Variants in AFG3L2 observed in about 807,000 individuals in gnomAD.
AFG3L2 encodes the protein AFG3 like matrix AAA peptidase subunit 2.
Under a neutral mutation model 94.5 loss-of-function variants are expected in AFG3L2, and 54 were observed. The ratio of observed to expected loss-of-function variants is 0.57; its 90% CI spans 0.46 to 0.72. The LOEUF is 0.72. AFG3L2 is among the 30% of genes least tolerant of loss of function. The pLI, the probability that AFG3L2 is intolerant of heterozygous loss-of-function variation, is 0.00. For synonymous variants in AFG3L2, 377 were observed against 365.5 expected, an observed-to-expected ratio of 1.03 and a Z score of -0.36; for missense variants, 754 against 994.9, an observed-to-expected ratio of 0.76 and a Z score of 3.26.
At chr18:12,370,476 T>C (rs1437322628) in intron 3 of AFG3L2, among the ~76,000 whole-genome samples, 1 of 112,924 alleles carries the variant, frequency 8.9e-6, no homozygotes, top group East Asian at 2.9e-4. Flanking sequence ...TTTTTTTTTT[T>C]TTTCTTTTTT....
intron 6 of AFG3L2, among the ~76,000 whole-genome samples, chr18:12,361,310 G>A (rs950254330): frequency 6.6e-6 from 1 of 152,078 alleles, no homozygotes; most frequent in African/African-American, 2.4e-5. Flanking sequence ...CCAAGATTGT[G>A]CCACTGCATT....
chr18:12,355,730 G>A (rs528462724), intron 9 of AFG3L2, among the ~76,000 whole-genome samples: 2 of 151,274 alleles, frequency 1.3e-5, no homozygotes, highest in South Asian at 2.1e-4. Context: ...GTGCAGTGGC[G>A]TGATCTCAGC....
At chr18:12,330,067 G>C (rs1204346253) in intron 16 of AFG3L2, among the ~76,000 whole-genome samples, 1 of 152,248 alleles carries the variant, frequency 6.6e-6, no homozygotes. Context: ...GGGCGCGGTA[G>C]CTCGCGCCTG....
chr18:12,344,330 G>T, intron 13 of AFG3L2, 83 bp from the exon 14 acceptor site: 1 of 1,160,976 alleles, frequency 8.6e-7, no homozygotes, highest in Non-Finnish European at 1.3e-6. Context: ...GCTATACATT[G>T]CCTTACCTAA....
intron 3 of AFG3L2, among the ~76,000 whole-genome samples, chr18:12,368,789 T>G (rs1174609314): frequency 6.6e-6 from 1 of 152,072 alleles, no homozygotes; most frequent in South Asian, 2.1e-4. Context: ...TTAGTAGAGA[T>G]AGGGTTTCAT....
intron 6 of AFG3L2, among the ~76,000 whole-genome samples, chr18:12,360,411 T>G (rs1908624302): frequency 6.6e-6 from 1 of 152,212 alleles, no homozygotes; most frequent in Non-Finnish European, 1.5e-5. Context: ...ATTCCCAAAT[T>G]TAAAACTACT....
rs796113400 is a variant in AFG3L2 at position 12,345,053 on chromosome 18, A to G, written c.1664-806T>C. ...TGTCTGTTCTGCTGGAAGGCAGAAG[A>G]GAGTCTGAGAAAGCAGGCAGCCAGT... On this transcript the variant is annotated intron_variant, in intron 13 of 16. Coordinates refer to ENST00000269143, the MANE Select transcript of AFG3L2 (RefSeq NM_006796.3). Among the ~76,000 whole-genome samples the G allele has an allele frequency of 3.1e-4, 47 of 152,334 alleles. 1 individual carries two copies. The highest frequency in any genetic ancestry group is 1.1e-3 in the African/African-American group (44 of 41,574).
chr18:12,331,857 AT>A (rs1425724126), intron 16 of AFG3L2, among the ~76,000 whole-genome samples: 25 of 68,456 alleles, frequency 3.7e-4, no homozygotes, highest in African/African-American at 1.1e-3. Flanking sequence ...ATATATATAT[AT>A]ATAAAACAAG....
At position 12,366,989 on chromosome 18, in the gene AFG3L2, G is replaced by T. The variant is rs1908825551; in HGVS notation, c.528C>A (p.Val176=). The change falls in exon 5 of 17, where the codon GTC becomes GTA. Residue 176 remains valine (V), a synonymous_variant. Coordinates refer to ENST00000269143, the MANE Select transcript of AFG3L2 (RefSeq NM_006796.3). ...SGREITWKDF[V]NNYLSKGVVD... Reference sequence around the variant, plus strand: ...CTACTCCTTTTGAAAGATAGTTATTGACAAAGTCCTTCCAAGTGATTTCTC... The same window carrying T: ...CTACTCCTTTTGAAAGATAGTTATTTACAAAGTCCTTCCAAGTGATTTCTC... 6.2e-7 allele frequency: 1 copy of T among 1,614,058 alleles called. No individual in the cohort carries two copies. The highest frequency in any genetic ancestry group is 1.3e-5 in the African/African-American group (1 of 74,916).
chr18:12,361,938 T>C (rs896025511), intron 6 of AFG3L2, among the ~76,000 whole-genome samples: 7 of 152,186 alleles, frequency 4.6e-5, no homozygotes, highest in Non-Finnish European at 8.8e-5. Context: ...AACTGGGCAA[T>C]GGGCCAAACG....
chr18:12,376,997 C>A lies in AFG3L2; in HGVS notation c.86G>T (p.Gly29Val). 1 of 1,461,032 alleles carries A rather than the reference C, an allele frequency of 6.8e-7. No homozygotes were observed. The highest frequency in any genetic ancestry group is 1.3e-5 in the South Asian group (1 of 76,248). 90.5% of individuals were successfully genotyped at this position (1,461,032 alleles called of 1,614,324 possible). The change falls in exon 1 of 17, where the codon GGC becomes GTC. Residue 29 changes from glycine to valine, a missense_variant. Transcript: ENST00000269143. Reference sequence around the variant, plus strand: ...CCGGAGGCAGGGCTGCTCGCCCGGGCCCACGCCGCCAGGCACGAGGAGCTG... The same window carrying A: ...CCGGAGGCAGGGCTGCTCGCCCGGGACCACGCCGCCAGGCACGAGGAGCTG... ...LQQLLVPGGV[G>V]PGEQPCLRTL... is the part of the protein sequence containing the mutation.
At chr18:12,373,176 T>C (rs1237658135) in intron 1 of AFG3L2, among the ~76,000 whole-genome samples, 2 of 152,232 alleles carry the variant, frequency 1.3e-5, no homozygotes, top group African/African-American at 2.4e-5. Context: ...TGGGAGACTT[T>C]GGAGCTTATG....
At position 12,360,066 on chromosome 18, in the gene AFG3L2, A is replaced by G; in HGVS notation, c.628-15T>C. On this transcript the variant is annotated splice_polypyrimidine_tract_variant and intron_variant, in intron 6 of 16. Transcript: ENST00000269143. ...CAAACGTATTGCTATAAAAACAAAA[A>G]AACAAATATCCTAAGAATGTAGTGA... The G allele has an allele frequency of 6.2e-7, 1 of 1,613,320 alleles. No homozygotes were observed. The highest frequency in any genetic ancestry group is 8.5e-7 in the Non-Finnish European group (1 of 1,179,302).
chr18:12,376,114 C>G (rs1909147203), intron 1 of AFG3L2, among the ~76,000 whole-genome samples: 2 of 152,224 alleles, frequency 1.3e-5, no homozygotes, highest in African/African-American at 4.8e-5. Flanking sequence ...AGGCGTGAGC[C>G]CCGGCACTAG....
chr18:12,348,743 G>C (rs1162007289), intron 12 of AFG3L2, among the ~76,000 whole-genome samples: 1 of 152,158 alleles, frequency 6.6e-6, no homozygotes, highest in African/African-American at 2.4e-5. Flanking sequence ...AAAATGGCTT[G>C]CATAGATATT....
At chr18:12,375,091 T>C (rs1340775777) in intron 1 of AFG3L2, among the ~76,000 whole-genome samples, 1 of 147,092 alleles carries the variant, frequency 6.8e-6, no homozygotes, top group Non-Finnish European at 1.5e-5. Context: ...AGAAAAGGGA[T>C]CAGAGCTTGG....
chr18:12,365,943 C>T (rs1436222484), intron 5 of AFG3L2, among the ~76,000 whole-genome samples: 10 of 142,362 alleles, frequency 7.0e-5, no homozygotes, highest in South Asian at 2.2e-4. Flanking sequence ...GGTGCAATCT[C>T]GGCTCACTGC....
chr18:12,365,606 CAT>C (rs1292791210), intron 5 of AFG3L2, among the ~76,000 whole-genome samples: 1 of 152,164 alleles, frequency 6.6e-6, no homozygotes, highest in Non-Finnish European at 1.5e-5. Context: ...CCAGGGGAAA[CAT>C]AAACTGAAGT....
intron 3 of AFG3L2, among the ~76,000 whole-genome samples, chr18:12,368,760 C>T (rs575744692): frequency 1.2e-3 from 177 of 152,196 alleles, no homozygotes; most frequent in African/African-American, 3.9e-3. Flanking sequence ...GCCACCATGC[C>T]CGGCTAATTT....
Sources: gnomAD v4.1 joint callset for allele counts (sites outside exome capture counted in the v4.1 genomes callset) on GRCh38, gnomAD v4.1.1 for gene constraint, MANE v1.5 for transcripts, NCBI Gene and HGNC (gene_info 2026-07-23, HGNC 2026-07-21) for gene names.